OPRM1: variants seen among roughly 807,000 people sequenced by gnomAD.
The protein encoded by OPRM1 is mu-type opioid receptor.
OPRM1 carries 27 observed loss-of-function variants against 31.8 expected under a neutral mutation model. The observed-to-expected ratio is 0.85, with a 90% CI of 0.63 to 1.17. OPRM1 has a LOEUF of 1.17. Among genes scored for constraint, OPRM1 ranks in the 50% most tolerant of loss-of-function variants. The pLI is 0.00. For synonymous variants in OPRM1, 196 were observed against 189.9 expected (o/e 1.03, Z -0.26); for missense variants, 536 against 511.1 (o/e 1.05, Z -0.47).
intron 1 of OPRM1, among the ~76,000 whole-genome samples, chr6:154,057,109 A>G (rs1462497600): frequency 6.6e-6 from 1 of 152,250 alleles, no homozygotes; most frequent in Non-Finnish European, 1.5e-5. Flanking sequence ...TTAATTTTAT[A>G]GAACTTTACA....
chr6:154,144,181 A>C (rs1400194861), intron 3 of OPRM1, among the ~76,000 whole-genome samples: 2 of 152,228 alleles, frequency 1.3e-5, no homozygotes, highest in African/African-American at 4.8e-5. Flanking sequence ...TGTTATTTTA[A>C]AATTCTCAAA....
At chr6:154,090,886 G>C in intron 2 of OPRM1, 66 bp from the exon 3 acceptor site, 2 of 1,439,790 alleles carry the variant, frequency 1.4e-6, no homozygotes, top group South Asian at 1.3e-5. Flanking sequence ...CAAAATGGCA[G>C]TATTAACACC....
intron 1 of OPRM1, among the ~76,000 whole-genome samples, chr6:154,023,544 T>C (rs978410510): frequency 6.6e-6 from 1 of 152,180 alleles, no homozygotes; most frequent in African/African-American, 2.4e-5. Flanking sequence ...GCACTTTCTT[T>C]CTCTTGTCTG....
At chr6:154,159,738 G>A in intron 3 of OPRM1, 1 of 1,012,660 alleles carries the variant, frequency 9.9e-7, no homozygotes, top group South Asian at 1.5e-5. Flanking sequence ...CTGGGTTTCA[G>A]TTTTCCTTTT....
At chr6:154,069,889 G>C (rs1405461994) in intron 1 of OPRM1, among the ~76,000 whole-genome samples, 1 of 152,016 alleles carries the variant, frequency 6.6e-6, no homozygotes, top group African/African-American at 2.4e-5. Flanking sequence ...GATTTTCCTT[G>C]TATATGCAGT....
chr6:154,229,498 C>T (rs1218918036), intron 3 of OPRM1, among the ~76,000 whole-genome samples: 4 of 151,508 alleles, frequency 2.6e-5, no homozygotes, highest in East Asian at 2.0e-4. Context: ...TACAGGCACC[C>T]GCCACCACAC....
chr6:154,218,584 C>G (rs1033815479), intron 3 of OPRM1, among the ~76,000 whole-genome samples: 2 of 152,144 alleles, frequency 1.3e-5, no homozygotes, highest in African/African-American at 2.4e-5. Context: ...TGGCTTAAAC[C>G]GGCTGCATCA....
rs565510493 is a variant in OPRM1, at chr6:154,226,970, G to A, written c.1165-19723G>A. On this transcript the variant is annotated intron_variant, in intron 3 of 3. Coordinates refer to the OPRM1 transcript ENST00000337049. The stretch of plus-strand genomic sequence containing the variant: ...CCAGCACTTTGGGAGGCCAAGGTGG[G>A]CGGATCACCTGAGGTTAGGAGTTTG... 3.3e-5 allele frequency among the ~76,000 whole-genome samples: 5 copies of A among 152,212 alleles called. No individual in the cohort carries two copies. In the South Asian group the frequency reaches 1.0e-3, roughly 32 times the overall value.
At chr6:154,087,542 C>T (rs925206493) in intron 1 of OPRM1, 8 of 985,356 alleles carry the variant, frequency 8.1e-6, no homozygotes, top group African/African-American at 1.7e-5. Flanking sequence ...TTCAGACAAG[C>T]TCCTCCAGCA....
chr6:154,087,212 A>G lies in OPRM1; in HGVS notation c.291-2614A>G, dbSNP rs147096802. ...GCAAGTATTGCAGACCAGATCAGGTATCAGAATTTTAAAGCTTCAGTAACA... is the reference window on the plus strand; with the variant it reads ...GCAAGTATTGCAGACCAGATCAGGTGTCAGAATTTTAAAGCTTCAGTAACA... On this transcript the variant is annotated intron_variant, in intron 1 of 3. Coordinates refer to ENST00000330432, the MANE Select transcript of OPRM1 (RefSeq NM_000914.5). The G allele has an allele frequency of 1.3e-3, 1,271 of 985,414 alleles. 7 individuals carry two copies. In the African/African-American group the frequency reaches 0.021, roughly 16 times the overall value. The allele number at this position is 985,414 out of a possible 1,614,324, so 61.0% of individuals were successfully genotyped here.
rs17174921 is a variant in OPRM1 at position 154,117,651 on chromosome 6, T to C, written c.1165-1032T>C. On this transcript the variant is annotated intron_variant, in intron 3 of 3. Coordinates refer to ENST00000330432, the MANE Select transcript of OPRM1 (RefSeq NM_000914.5). The stretch of plus-strand genomic sequence containing the variant: ...GCTGTGCTCGCCTGTGCTTTCTTAA[T>C]TGCCTGTGTGACCAGCTACAGAAAT... Among the ~76,000 whole-genome samples, 349 of 152,240 alleles carry C rather than the reference T, an allele frequency of 2.3e-3. 1 individual carries two copies. The highest frequency in any genetic ancestry group is 8.0e-3 in the African/African-American group (334 of 41,550).
At chr6:154,108,765 T>C in intron 3 of OPRM1, 2 of 985,348 alleles carry the variant, frequency 2.0e-6, no homozygotes, top group Non-Finnish European at 2.4e-6. Context: ...AACCCCGCTT[T>C]ATAAACTTTT....
chr6:154,069,672 A>T (rs1314683298), intron 1 of OPRM1, among the ~76,000 whole-genome samples: 1 of 152,166 alleles, frequency 6.6e-6, no homozygotes. Flanking sequence ...CTTTGAATTT[A>T]TACTTTATCT....
chr6:154,162,232 T>C (rs1799085562), intron 3 of OPRM1, among the ~76,000 whole-genome samples: 1 of 152,210 alleles, frequency 6.6e-6, no homozygotes, highest in African/African-American at 2.4e-5. Context: ...CTCACCAACT[T>C]TCCAGATCCC....
chr6:154,099,312 G>GAAGGAAGGAAGA (rs1793983046), intron 3 of OPRM1, among the ~76,000 whole-genome samples: 1 of 134,184 alleles, frequency 7.5e-6, no homozygotes, highest in Non-Finnish European at 1.6e-5. Context: ...AGGAAGAAAG[G>GAAGGAAGGAAGA]AAGGAAGGAA....
chr6:154,045,659 T>C (rs1294074635), intron 1 of OPRM1, among the ~76,000 whole-genome samples: 1 of 152,246 alleles, frequency 6.6e-6, no homozygotes, highest in Non-Finnish European at 1.5e-5. Context: ...GCCGTTGATA[T>C]GGCAGTCAGT....
intron 1 of OPRM1, among the ~76,000 whole-genome samples, chr6:154,060,738 G>C (rs138262676): frequency 6.6e-6 from 1 of 152,114 alleles, no homozygotes; most frequent in African/African-American, 2.4e-5. Flanking sequence ...ATAATAACAG[G>C]AGAACAATAG....
chr6:154,069,917 G>T (rs1214095601), intron 1 of OPRM1, among the ~76,000 whole-genome samples: 1 of 152,044 alleles, frequency 6.6e-6, no homozygotes, highest in Non-Finnish European at 1.5e-5. Context: ...GAATATCCTA[G>T]TCTTTAATGT....
At chr6:154,160,085 C>T in intron 3 of OPRM1, 1 of 1,426,770 alleles carries the variant, frequency 7.0e-7, no homozygotes, top group African/African-American at 1.4e-5. Context: ...TTGAGAGTGT[C>T]TTAATTTACA....
Sources: gnomAD v4.1 joint callset for allele counts (sites outside exome capture counted in the v4.1 genomes callset) on GRCh38, gnomAD v4.1.1 for gene constraint, MANE v1.5 for transcripts, NCBI Gene and HGNC (gene_info 2026-07-23, HGNC 2026-07-21) for gene names.